Variants in COL19A1 observed in about 807,000 individuals in gnomAD.
COL19A1 encodes the protein collagen type XIX alpha 1 chain.
In COL19A1, 159 loss-of-function variants were observed where a neutral mutation model predicts 190.2. That is an observed-to-expected ratio of 0.84 (90% confidence interval 0.73 to 0.95). The LOEUF (loss-of-function observed/expected upper bound fraction) is 0.95, where lower values mean the gene tolerates loss of function less well. Ranked by LOEUF, COL19A1 falls within the 40% of genes least tolerant of loss-of-function variation. The probability of loss-of-function intolerance (pLI) is 0.00; values close to 1 mark genes in which losing one functional copy is unlikely to be tolerated. For missense variants in COL19A1, 1,418 were observed against 1,431.9 expected, an observed-to-expected ratio of 0.99 and a Z score of 0.16; for synonymous variants, 509 against 458.9, an observed-to-expected ratio of 1.11 and a Z score of -1.39.
At chr6:70,133,964 T>C (rs1043012448) in intron 18 of COL19A1, among the ~76,000 whole-genome samples, 1 of 152,202 alleles carries the variant, frequency 6.6e-6, no homozygotes, top group African/African-American at 2.4e-5. Flanking sequence ...CAGCTATGAA[T>C]ATACTTACTT....
intron 1 of COL19A1, among the ~76,000 whole-genome samples, chr6:69,866,979 C>A (rs529562080): frequency 3.1e-4 from 47 of 151,952 alleles, no homozygotes; most frequent in African/African-American, 1.1e-3. Context: ...GTCTGTGAAG[C>A]GGAACTATGG....
chr6:69,879,399 A>T, intron 1 of COL19A1, 137 bp from the exon 2 acceptor site: 1 of 602,804 alleles, frequency 1.7e-6, no homozygotes. Context: ...ACACCATTGC[A>T]TATATAATCA....
chr6:70,085,981 G>A (rs1562157837), intron 15 of COL19A1, among the ~76,000 whole-genome samples: 1 of 152,070 alleles, frequency 6.6e-6, no homozygotes, highest in Non-Finnish European at 1.5e-5. Context: ...ACTGATATTT[G>A]CGGGATAAGG....
intron 2 of COL19A1, among the ~76,000 whole-genome samples, chr6:69,885,481 A>C (rs2502560): frequency 0.47 from 70,690 of 152,018 alleles, 16,815 homozygotes; most frequent in Middle Eastern, 0.56. Flanking sequence ...TTATTTTTGT[A>C]ATGAGTGGCT....
At chr6:69,925,567 G>A (rs916317195) in intron 4 of COL19A1, among the ~76,000 whole-genome samples, 11 of 152,070 alleles carry the variant, frequency 7.2e-5, no homozygotes, top group Non-Finnish European at 1.3e-4. Flanking sequence ...TTGGCAATGC[G>A]GGCTCTTTTT....
chr6:70,185,915 C>T (rs1766483661), intron 46 of COL19A1, among the ~76,000 whole-genome samples: 1 of 152,030 alleles, frequency 6.6e-6, no homozygotes, highest in Non-Finnish European at 1.5e-5. Flanking sequence ...ATAAATCTAC[C>T]TTACCCCACT....
chr6:70,205,419 C>T (rs1253767789), intron 49 of COL19A1, among the ~76,000 whole-genome samples: 1 of 152,160 alleles, frequency 6.6e-6, no homozygotes. Flanking sequence ...ACATTTTCTC[C>T]TCCTGCCATG....
chr6:69,921,531 C>CAT (rs368902431), intron 4 of COL19A1, among the ~76,000 whole-genome samples: 21 of 66,020 alleles, frequency 3.2e-4, no homozygotes, highest in East Asian at 1.6e-3. Context: ...CATATATATT[C>CAT]ATGTATATTC....
At chr6:69,901,065 C>G (rs1410737692) in intron 4 of COL19A1, among the ~76,000 whole-genome samples, 2 of 152,172 alleles carry the variant, frequency 1.3e-5, no homozygotes, top group Admixed American at 6.5e-5. Flanking sequence ...GCAGGTAGCA[C>G]ATATGGTCAG....
chr6:70,151,366 C>T, intron 30 of COL19A1, 31 bp from the exon 31 acceptor site: 1 of 1,605,838 alleles, frequency 6.2e-7, no homozygotes, highest in Non-Finnish European at 8.5e-7. Flanking sequence ...TATATAAATG[C>T]ATGTATTTGG....
At chr6:69,913,996 A>C (rs1056941936) in intron 4 of COL19A1, among the ~76,000 whole-genome samples, 3 of 151,864 alleles carry the variant, frequency 2.0e-5, no homozygotes, top group Non-Finnish European at 4.4e-5. Flanking sequence ...GGGACACCAG[A>C]AAAAACTAAC....
At chr6:69,996,037 A>G (rs1221469815) in intron 11 of COL19A1, among the ~76,000 whole-genome samples, 1 of 152,140 alleles carries the variant, frequency 6.6e-6, no homozygotes, top group Admixed American at 6.6e-5. Context: ...TGGACTCTGA[A>G]CACAAATTTA....
At chr6:69,985,286 T>G (rs1006805390) in intron 11 of COL19A1, among the ~76,000 whole-genome samples, 1 of 152,212 alleles carries the variant, frequency 6.6e-6, no homozygotes, top group Admixed American at 6.5e-5. Flanking sequence ...GAAGAGACTT[T>G]AAGAGAATCA....
intron 31 of COL19A1, among the ~76,000 whole-genome samples, chr6:70,154,912 G>A (rs1787344172): frequency 6.6e-6 from 1 of 152,126 alleles, no homozygotes; most frequent in Non-Finnish European, 1.5e-5. Context: ...AGCCGAGCTG[G>A]CACCTGATTA....
intron 31 of COL19A1, 31 bp from the exon 32 acceptor site, chr6:70,156,096 C>A (rs781736916): frequency 2.5e-6 from 4 of 1,593,452 alleles, no homozygotes; most frequent in Non-Finnish European, 3.4e-6. Flanking sequence ...TTTTATGACT[C>A]CCTCAGTAAC....
At chr6:70,198,699 G>A (rs1767361329) in intron 48 of COL19A1, among the ~76,000 whole-genome samples, 1 of 152,114 alleles carries the variant, frequency 6.6e-6, no homozygotes, top group Admixed American at 6.5e-5. Flanking sequence ...GTTATCTGTT[G>A]CTGCATAAGA....
chr6:70,209,125 T>C lies in COL19A1; in HGVS notation c.*1851T>C, dbSNP rs1768051370. 1 of 152,618 alleles carries C rather than the reference T, an allele frequency of 6.6e-6. No individual in the cohort carries two copies. The highest frequency in any genetic ancestry group is 2.1e-4 in the South Asian group (1 of 4,830). 9.5% of individuals were successfully genotyped at this position (152,618 alleles called of 1,614,324 possible). A position where few individuals can be genotyped will look rare whatever the true frequency, so the allele number is the denominator to read the frequency against. On this transcript the variant is annotated 3_prime_UTR_variant, in exon 51 of 51. Transcript: ENST00000620364. ...ATTGGGACATACGTATGTGTTTTCT[T>C]AGTAAAATGGTAATTTATCCCGAAA...
Position 70,149,687 on chromosome 6 carries a change from A to G in COL19A1, c.1894-17A>G, listed in dbSNP as rs762016416. ...TTCTTGGTGGAATTTTAATAATAAA[A>G]TCTCATTTGTACTCAGGGCGCCCAA... On this transcript the variant is annotated splice_polypyrimidine_tract_variant and intron_variant, in intron 27 of 50. Coordinates refer to ENST00000620364, the MANE Select transcript of COL19A1 (RefSeq NM_001858.6). 1 of 1,611,734 alleles carries G rather than the reference A, an allele frequency of 6.2e-7. No individual in the cohort carries two copies. Among genetic ancestry groups the G allele is most frequent in the Non-Finnish European group, 8.5e-7 (1 of 1,179,166 alleles).
chr6:70,078,426 G>A (rs1223153639), intron 15 of COL19A1, among the ~76,000 whole-genome samples: 1 of 152,206 alleles, frequency 6.6e-6, no homozygotes, highest in Non-Finnish European at 1.5e-5. Context: ...GGTTTCAGGA[G>A]CATCAAGTCT....
Sources: allele counts gnomAD v4.1 joint callset (sites outside exome capture counted in the v4.1 genomes callset), GRCh38; gene constraint gnomAD v4.1.1; transcripts MANE v1.5; gene names NCBI Gene and HGNC (gene_info 2026-07-23, HGNC 2026-07-21).